The following TLE3 variants were observed in gnomAD, a reference collection of about 807,000 sequenced individuals.
The protein encoded by TLE3 is transducin-like enhancer protein 3.
In TLE3, 14 loss-of-function variants were observed where a neutral mutation model predicts 93.0. The ratio of observed to expected loss-of-function variants is 0.15; its 90% CI spans 0.10 to 0.24. TLE3 has a LOEUF of 0.24. TLE3 is among the 10% of genes least tolerant of loss of function. The probability of loss-of-function intolerance (pLI) is 1.00; values close to 1 mark genes in which losing one functional copy is unlikely to be tolerated. For missense variants in TLE3, 693 were observed against 1,046.6 expected (o/e 0.66, Z 4.66); for synonymous variants, 451 against 425.0 (o/e 1.06, Z -0.75).
chr15:70,068,549 C>A (rs1052151943), intron 6 of TLE3, among the ~76,000 whole-genome samples: 5 of 152,152 alleles, frequency 3.3e-5, no homozygotes, highest in African/African-American at 1.2e-4. Context: ...GTATTTAATC[C>A]ACATTTTATA....
chr15:70,096,261 C>G lies in TLE3; in HGVS notation c.25G>C (p.Ala9Pro). ...CCCGGCTGCCCGGGTTGATGGGGAG[C>G]CTGGAGCCCGCGAAGACAAGACAGG... MYPQGRHP[A>P]PHQPGQPGFK... Residue 9 changes from alanine to proline, a missense_variant and splice_region_variant, in exon 2 of 20, where the codon GCT (alanine) becomes CCT (proline). This residue lies in a region of TLE3 where 31 missense variants were observed against 24.0 expected (regional missense o/e 1.29). Coordinates refer to ENST00000451782, the MANE Select transcript of TLE3 (RefSeq NM_001105192.3). 1 of 1,552,792 alleles carries G rather than the reference C, an allele frequency of 6.4e-7. No individual in the cohort carries two copies. The highest frequency in any genetic ancestry group is 8.7e-7 in the Non-Finnish European group (1 of 1,148,042).
chr15:70,053,461 G>C, intron 16 of TLE3, 87 bp from the exon 17 acceptor site: 1 of 1,456,488 alleles, frequency 6.9e-7, no homozygotes, highest in Non-Finnish European at 9.3e-7. Flanking sequence ...CTGAGCAGAA[G>C]AGAAAACTGA....
chr15:70,055,929 C>G, intron 14 of TLE3: 2 of 371,684 alleles, frequency 5.4e-6, no homozygotes, highest in Non-Finnish European at 1.0e-5. Flanking sequence ...CAGGGAAGGG[C>G]CTGCGACCAG....
At chr15:70,056,035 A>T in intron 14 of TLE3, 1 of 555,932 alleles carries the variant, frequency 1.8e-6, no homozygotes. Context: ...CTTCTCTCCC[A>T]GCCCAGTGGC....
intron 3 of TLE3, chr15:70,095,313 T>G: frequency 7.3e-7 from 1 of 1,364,182 alleles, no homozygotes; most frequent in East Asian, 3.0e-5. Context: ...AAAACACAAA[T>G]TAAAGGCACA....
chr15:70,097,877 C>T lies in TLE3; in HGVS notation c.-1079G>A. The T allele has an allele frequency of 3.2e-6, 1 of 310,312 alleles. No individual in the cohort carries two copies. Among genetic ancestry groups the T allele is most frequent in the East Asian group, 4.9e-5 (1 of 20,252 alleles). 19.2% of individuals were successfully genotyped at this position (310,312 alleles called of 1,614,324 possible). On this transcript the variant is annotated 5_prime_UTR_variant, in exon 1 of 20. It adds an upstream start codon to the 5' untranslated region. Transcript: ENST00000451782. Reference sequence around the variant, plus strand: ...CACAGACAGGCGAAGGGGACGAGCACGAGGTCTGAACTGCCGCGAGAGCAG... The same window carrying T: ...CACAGACAGGCGAAGGGGACGAGCATGAGGTCTGAACTGCCGCGAGAGCAG...
chr15:70,061,369 G>A (rs72749659), intron 8 of TLE3, among the ~76,000 whole-genome samples: 1 of 152,248 alleles, frequency 6.6e-6, no homozygotes, highest in Non-Finnish European at 1.5e-5. Context: ...GAGACCCCAA[G>A]AGGTTGGTGA....
rs74787249 is a variant in TLE3, at chr15:70,067,228, C to T, written c.373-1010G>A. On this transcript the variant is annotated intron_variant, in intron 6 of 19. Transcript: ENST00000451782. ...GGGGCTTGGGCTTCTCTTTCCTCTCCCTTCGCCCCACCCAACTTCTTCTCC... is the reference window on the plus strand; with the variant it reads ...GGGGCTTGGGCTTCTCTTTCCTCTCTCTTCGCCCCACCCAACTTCTTCTCC... 9.0e-3 allele frequency among the ~76,000 whole-genome samples: 1,377 copies of T among 152,296 alleles called. 109 individuals carry two copies. In the East Asian group the frequency reaches 0.17, roughly 19 times the overall value.
rs375984751 is a variant in TLE3 at position 70,057,516 on chromosome 15, G to A, written c.1194C>T (p.Ala398=). 6.2e-5 allele frequency: 99 copies of A among 1,607,828 alleles called. No homozygotes were observed. The highest frequency in any genetic ancestry group is 7.8e-5 in the Non-Finnish European group (92 of 1,177,522). ...AGGCAGCGGCTGCAGCAGCGGCGGC[G>A]GCGCTCATCTGGGGTGGGATGTTGT... ...GLHNIPPQMS[A]AAAAAAAAYG... is the part of the protein sequence containing the mutation. Residue 398 remains alanine (A), a synonymous_variant, in exon 13 of 20, where the codon GCC becomes GCT. Transcript: ENST00000451782.
intron 7 of TLE3, among the ~76,000 whole-genome samples, chr15:70,065,756 A>C (rs2056774791): frequency 6.6e-6 from 1 of 152,198 alleles, no homozygotes; most frequent in Non-Finnish European, 1.5e-5. Flanking sequence ...GTGTTGTAGG[A>C]AGATGGGAGC....
intron 6 of TLE3, among the ~76,000 whole-genome samples, chr15:70,072,266 G>A (rs921893100): frequency 6.6e-6 from 1 of 152,124 alleles, no homozygotes; most frequent in African/African-American, 2.4e-5. Context: ...TTCTCCCCCA[G>A]TTTTACTCCT....
intron 6 of TLE3, chr15:70,066,931 T>C: frequency 2.6e-6 from 1 of 383,536 alleles, no homozygotes; most frequent in Non-Finnish European, 5.3e-6. Context: ...GAGCCTCAAA[T>C]TTCCTTATCT....
In TLE3 at chr15:70,074,524, T is replaced by A. The variant is rs74422204; in HGVS notation, c.372+9A>T. 4.6e-4 allele frequency: 743 copies of A among 1,610,312 alleles called. 9 individuals carry two copies. In the East Asian group the frequency reaches 0.014, roughly 30 times the overall value. ...ACACGGTAAGAGGCAGATTGGGGAGTCCACGTACCCCGATGATGGCGTTCA... is the reference window on the plus strand; with the variant it reads ...ACACGGTAAGAGGCAGATTGGGGAGACCACGTACCCCGATGATGGCGTTCA... On this transcript the variant is annotated intron_variant, in intron 6 of 19. Transcript: ENST00000451782.
At chr15:70,096,700 T>C (rs751959056) in intron 1 of TLE3, 75 bp downstream of exon 1, 11 of 1,587,406 alleles carry the variant, frequency 6.9e-6, no homozygotes, top group Non-Finnish European at 9.4e-6. Context: ...ACAAGCAAAA[T>C]GGAGGTGCCA....
At chr15:70,069,647 C>T (rs1025550246) in intron 6 of TLE3, among the ~76,000 whole-genome samples, 1 of 152,132 alleles carries the variant, frequency 6.6e-6, no homozygotes, top group Non-Finnish European at 1.5e-5. Flanking sequence ...GTCCAGCAGA[C>T]TCTGGGAAGC....
In TLE3 at chr15:70,097,614, C is replaced by T. The variant is rs552519579; in HGVS notation, c.-816G>A. The stretch of plus-strand genomic sequence containing the variant: ...CCCAGCTTGAGCACCGCGTCCCCAC[C>T]GAGGAGCGCTCAGCGCCACCGCCGC... On this transcript the variant is annotated 5_prime_UTR_variant, in exon 1 of 20. Coordinates refer to ENST00000451782, the MANE Select transcript of TLE3 (RefSeq NM_001105192.3). 3 of 398,418 alleles carry T rather than the reference C, an allele frequency of 7.5e-6. No individual in the cohort carries two copies. Among genetic ancestry groups the T allele is most frequent in the Middle Eastern group, 6.3e-4 (1 of 1,588 alleles). 24.7% of individuals were successfully genotyped at this position (398,418 alleles called of 1,614,324 possible).
chr15:70,075,581 A>G (rs2057400116), intron 5 of TLE3, among the ~76,000 whole-genome samples: 1 of 152,234 alleles, frequency 6.6e-6, no homozygotes, highest in African/African-American at 2.4e-5. Context: ...AACAGAGCCC[A>G]CTAAAGTCGG....
At chr15:70,054,335 C>G in intron 16 of TLE3, 103 bp downstream of exon 16, 1 of 1,508,410 alleles carries the variant, frequency 6.6e-7, no homozygotes, top group Non-Finnish European at 8.9e-7. Context: ...CTGGCCACCC[C>G]ACAGTGCCTC....
intron 18 of TLE3, among the ~76,000 whole-genome samples, chr15:70,051,896 A>G (rs570046752): frequency 6.6e-6 from 1 of 152,328 alleles, no homozygotes; most frequent in Admixed American, 6.5e-5. Context: ...CCAGGGCTCT[A>G]CAAGTGTTAA....
Sources: gnomAD v4.1 joint callset for allele counts (sites outside exome capture counted in the v4.1 genomes callset) on GRCh38, gnomAD v4.1.1 for gene constraint, gnomAD v4.1.1 regional missense constraint, MANE v1.5 for transcripts, NCBI Gene and HGNC (gene_info 2026-07-23, HGNC 2026-07-21) for gene names.